RABGAP1L: variants seen among roughly 807,000 people sequenced by gnomAD.
RABGAP1L encodes RAB GTPase activating protein 1 like.
In RABGAP1L, 63 loss-of-function variants were observed where a neutral mutation model predicts 137.7. The ratio of observed to expected loss-of-function variants is 0.46; its 90% CI spans 0.37 to 0.56. The LOEUF (loss-of-function observed/expected upper bound fraction) is 0.56. Ranked by LOEUF, RABGAP1L falls within the 20% of genes least tolerant of loss-of-function variation. The pLI is 0.00. For synonymous variants in RABGAP1L, 431 were observed against 433.7 expected, an observed-to-expected ratio of 0.99 and a Z score of 0.08; for missense variants, 1,095 against 1,244.0, an observed-to-expected ratio of 0.88 and a Z score of 1.80.
rs750579119 is a variant in RABGAP1L at position 174,637,428 on chromosome 1, A to C, written c.1764A>C (p.Ala588=). ...ITRDIHRTFP[A]HDYFKDTGGD... Reference sequence around the variant, plus strand: ...GAGATATTCATCGTACATTTCCCGCACATGATTACTTTAAAGATACTGGAG... The same window carrying C: ...GAGATATTCATCGTACATTTCCCGCCCATGATTACTTTAAAGATACTGGAG... Residue 588 remains alanine (A), a synonymous_variant, in exon 14 of 26, where the codon GCA becomes GCC. Transcript: ENST00000681986. 6.2e-7 allele frequency: 1 copy of C among 1,613,548 alleles called. No individual in the cohort carries two copies. The highest frequency in any genetic ancestry group is 8.5e-7 in the Non-Finnish European group (1 of 1,179,526).
In RABGAP1L at chr1:174,519,105, A is replaced by G. The variant is rs960458095; in HGVS notation, c.1711-118270A>G. Among the ~76,000 whole-genome samples the G allele has an allele frequency of 3.3e-5, 5 of 151,804 alleles. No individual in the cohort carries two copies. In the East Asian group the frequency reaches 9.7e-4, roughly 29 times the overall value. On this transcript the variant is annotated intron_variant, in intron 13 of 25. Transcript: ENST00000681986. ...AATATATATATACACACACACACAC[A>G]CATACACACACACACACGTTATATA... is the stretch of plus-strand genomic sequence containing the variant.
At chr1:174,978,950 T>G in intron 23 of RABGAP1L, 60 bp downstream of exon 23, 2 of 1,424,312 alleles carry the variant, frequency 1.4e-6, no homozygotes, top group East Asian at 2.8e-5. Context: ...AAGTAATTTT[T>G]TTTTTTTTGC....
At chr1:174,404,192 G>T (rs1176236751) in intron 13 of RABGAP1L, among the ~76,000 whole-genome samples, 2 of 152,148 alleles carry the variant, frequency 1.3e-5, no homozygotes, top group East Asian at 3.8e-4. Flanking sequence ...CAAATGTGTA[G>T]AATACAGAAG....
intron 23 of RABGAP1L, among the ~76,000 whole-genome samples, chr1:174,980,960 A>C (rs1298035942): frequency 2.0e-5 from 3 of 151,652 alleles, no homozygotes; most frequent in Non-Finnish European, 4.4e-5. Context: ...TGAGATGCCG[A>C]ATGTGGGCAT....
intron 1 of RABGAP1L, among the ~76,000 whole-genome samples, chr1:174,163,494 A>G (rs537669451): frequency 1.1e-4 from 16 of 152,140 alleles, no homozygotes; most frequent in African/African-American, 2.9e-4. Context: ...CTAGGCATAT[A>G]TTCAGTTGAT....
At chr1:174,732,863 G>A (rs1682604932) in intron 17 of RABGAP1L, among the ~76,000 whole-genome samples, 1 of 152,158 alleles carries the variant, frequency 6.6e-6, no homozygotes, top group East Asian at 1.9e-4. Context: ...ACTCTGTCCT[G>A]TTTAGTGATA....
chr1:174,964,755 C>T, intron 20 of RABGAP1L: 1 of 1,289,692 alleles, frequency 7.8e-7, no homozygotes, highest in Non-Finnish European at 1.0e-6. Flanking sequence ...GAGACTTGCC[C>T]ACTGGCTACC....
chr1:174,204,469 G>A (rs982252069), intron 1 of RABGAP1L, among the ~76,000 whole-genome samples: 2 of 152,172 alleles, frequency 1.3e-5, no homozygotes, highest in South Asian at 2.1e-4. Flanking sequence ...GTGAGAGAGG[G>A]CATCCTTGTG....
chr1:174,738,007 C>T (rs1683094998), intron 17 of RABGAP1L, among the ~76,000 whole-genome samples: 1 of 152,178 alleles, frequency 6.6e-6, no homozygotes, highest in Non-Finnish European at 1.5e-5. Context: ...CCAGGTCCCC[C>T]CTTCAATGTT....
chr1:174,237,965 C>G (rs891735412), intron 4 of RABGAP1L, among the ~76,000 whole-genome samples: 4 of 150,566 alleles, frequency 2.7e-5, no homozygotes, highest in Admixed American at 6.6e-5. Context: ...AGGCTTTGCT[C>G]ATTTCTTTTT....
chr1:174,439,339 G>T (rs1374949633), intron 13 of RABGAP1L, among the ~76,000 whole-genome samples: 1 of 152,064 alleles, frequency 6.6e-6, no homozygotes, highest in Non-Finnish European at 1.5e-5. Flanking sequence ...ACATGAAATT[G>T]TTTTCTGCTC....
At chr1:174,368,897 A>G (rs1684866684) in intron 11 of RABGAP1L, among the ~76,000 whole-genome samples, 1 of 152,146 alleles carries the variant, frequency 6.6e-6, no homozygotes, top group Non-Finnish European at 1.5e-5. Context: ...TCTAATTTTT[A>G]TTATAATCAA....
At chr1:174,283,955 T>C (rs968185089) in intron 10 of RABGAP1L, among the ~76,000 whole-genome samples, 1 of 152,208 alleles carries the variant, frequency 6.6e-6, no homozygotes, top group Admixed American at 6.5e-5. Context: ...AATTTATCTC[T>C]ACCTAGTTCA....
chr1:174,598,382 G>T (rs1157559562), intron 13 of RABGAP1L, among the ~76,000 whole-genome samples: 1 of 149,952 alleles, frequency 6.7e-6, no homozygotes, highest in South Asian at 2.1e-4. Context: ...CTGAGGAGAA[G>T]CATATGTATT....
At chr1:174,790,078 C>T (rs565210531) in intron 18 of RABGAP1L, among the ~76,000 whole-genome samples, 9 of 151,924 alleles carry the variant, frequency 5.9e-5, no homozygotes, top group Admixed American at 3.3e-4. Context: ...GCTGTGGTGG[C>T]TCACACCTGT....
intron 10 of RABGAP1L, among the ~76,000 whole-genome samples, chr1:174,281,511 TCCCAC>T (rs1378409163): frequency 6.6e-6 from 1 of 152,132 alleles, no homozygotes; most frequent in Non-Finnish European, 1.5e-5. Flanking sequence ...GTTCTCCAAG[TCCCAC>T]CCGACCCAGA....
chr1:174,748,258 C>A (rs945057332), intron 17 of RABGAP1L, among the ~76,000 whole-genome samples: 1 of 152,068 alleles, frequency 6.6e-6, no homozygotes, highest in African/African-American at 2.4e-5. Flanking sequence ...GTTGGGTCCA[C>A]AGGGAAATAA....
chr1:174,282,203 G>GC (rs1675633140), intron 10 of RABGAP1L, among the ~76,000 whole-genome samples: 2 of 152,178 alleles, frequency 1.3e-5, no homozygotes, highest in African/African-American at 4.8e-5. Context: ...ATGGTAAGTA[G>GC]AAACTGCCAA....
At chr1:174,250,303 ATGT>A (rs1558070457) in intron 5 of RABGAP1L, among the ~76,000 whole-genome samples, 169 bp from the exon 6 acceptor site, 1 of 152,042 alleles carries the variant, frequency 6.6e-6, no homozygotes. Flanking sequence ...AGTGATGAAA[ATGT>A]TGTCATGTAA....
Sources: allele counts gnomAD v4.1 joint callset (sites outside exome capture counted in the v4.1 genomes callset), GRCh38; gene constraint gnomAD v4.1.1; transcripts MANE v1.5; gene names NCBI Gene and HGNC (gene_info 2026-07-23, HGNC 2026-07-21).